LCORL: variants seen among roughly 807,000 people sequenced by gnomAD.
LCORL encodes the protein ligand-dependent nuclear receptor corepressor-like protein.
Under a neutral mutation model 141.8 loss-of-function variants are expected in LCORL, and 41 were observed. That is an observed-to-expected ratio of 0.29 (90% CI 0.23 to 0.38). LCORL has a LOEUF of 0.38. LCORL is among the 10% of genes least tolerant of loss of function. The probability of loss-of-function intolerance (pLI) is 1.00; values close to 1 mark genes in which losing one functional copy is unlikely to be tolerated. For synonymous variants in LCORL, 618 were observed against 694.1 expected (o/e 0.89, Z 1.72); for missense variants, 1,759 against 2,035.0 (o/e 0.86, Z 2.61).
intron 4 of LCORL, among the ~76,000 whole-genome samples, chr4:17,958,989 G>C (rs1230317867): frequency 6.6e-6 from 1 of 151,954 alleles, no homozygotes; most frequent in African/African-American, 2.4e-5. Context: ...CTTTGTCCTA[G>C]AACATCCTCC....
intron 4 of LCORL, among the ~76,000 whole-genome samples, chr4:17,945,729 G>C (rs573651376): frequency 6.6e-6 from 1 of 151,764 alleles, no homozygotes; most frequent in Non-Finnish European, 1.5e-5. Context: ...AAAGTTTTAA[G>C]AATTCTGGAT....
intron 1 of LCORL, among the ~76,000 whole-genome samples, chr4:17,983,711 A>C (rs1240657157): frequency 2.6e-5 from 4 of 152,144 alleles, no homozygotes; most frequent in African/African-American, 9.7e-5. Flanking sequence ...CTATATCATC[A>C]GACAAGTATA....
chr4:17,842,186 A>C, exon 8 of LCORL: 7 of 716,478 alleles, frequency 9.8e-6, no homozygotes, highest in Admixed American at 2.5e-5. Context: ...TAGAACAAGT[A>C]GGAGATACAT....
At chr4:17,983,811 A>G (rs562427094) in intron 1 of LCORL, among the ~76,000 whole-genome samples, 59 of 152,268 alleles carry the variant, frequency 3.9e-4, no homozygotes, top group African/African-American at 1.4e-3. Flanking sequence ...TATGTTGAAT[A>G]GAAGTAGTGA....
At chr4:17,910,857 G>T (rs1732409756) in intron 4 of LCORL, among the ~76,000 whole-genome samples, 1 of 152,112 alleles carries the variant, frequency 6.6e-6, no homozygotes, top group South Asian at 2.1e-4. Context: ...AAATAATTTT[G>T]AATTCTGAAA....
At chr4:17,996,465 T>A (rs1418408247) in intron 1 of LCORL, among the ~76,000 whole-genome samples, 1 of 152,110 alleles carries the variant, frequency 6.6e-6, no homozygotes, top group African/African-American at 2.4e-5. Context: ...TGATTCATTA[T>A]ACTGAAATAA....
At chr4:17,934,376 G>A (rs1560366727) in intron 4 of LCORL, among the ~76,000 whole-genome samples, 1 of 152,046 alleles carries the variant, frequency 6.6e-6, no homozygotes, top group Non-Finnish European at 1.5e-5. Context: ...ACCTAGATCT[G>A]TTCTAGTAAT....
intron 4 of LCORL, chr4:17,912,645 A>T (rs1361957720): frequency 1.3e-5 from 5 of 394,374 alleles, no homozygotes; most frequent in African/African-American, 2.1e-5. Flanking sequence ...AGAAATCTGG[A>T]GGCCAGCTTG....
At chr4:17,948,741 C>T (rs1739268923) in intron 4 of LCORL, among the ~76,000 whole-genome samples, 2 of 151,724 alleles carry the variant, frequency 1.3e-5, no homozygotes, top group African/African-American at 2.4e-5. Flanking sequence ...GAAAATCTAC[C>T]TTACCTGACT....
intron 2 of LCORL, among the ~76,000 whole-genome samples, chr4:17,967,763 T>G (rs2109638908): frequency 6.6e-6 from 1 of 152,338 alleles, no homozygotes; most frequent in Admixed American, 6.5e-5. Flanking sequence ...AGTCTTTACT[T>G]CAGATAAGTA....
intron 1 of LCORL, among the ~76,000 whole-genome samples, chr4:17,989,837 C>G (rs1719650898): frequency 1.3e-5 from 2 of 152,160 alleles, no homozygotes; most frequent in African/African-American, 4.8e-5. Flanking sequence ...GCTGGTTGAC[C>G]AAGCTGAGTT....
intron 7 of LCORL, among the ~76,000 whole-genome samples, chr4:17,869,024 C>T (rs1374560116): frequency 6.6e-6 from 1 of 151,622 alleles, no homozygotes; most frequent in Non-Finnish European, 1.5e-5. Context: ...ATTTGCCTTC[C>T]CACATATTGT....
At chr4:17,994,907 T>C (rs1337727630) in intron 1 of LCORL, among the ~76,000 whole-genome samples, 1 of 151,902 alleles carries the variant, frequency 6.6e-6, no homozygotes, top group Non-Finnish European at 1.5e-5. Context: ...GCCTGGTCCA[T>C]GCTAGGCACT....
At chr4:17,870,673 AC>A (rs1458587391) in intron 7 of LCORL, among the ~76,000 whole-genome samples, 1 of 152,196 alleles carries the variant, frequency 6.6e-6, no homozygotes, top group African/African-American at 2.4e-5. Flanking sequence ...AAAATGAAAT[AC>A]ATTCTATTTA....
intron 3 of LCORL, among the ~76,000 whole-genome samples, chr4:17,962,754 G>GT (rs1714089346): frequency 1.3e-5 from 2 of 150,142 alleles, no homozygotes; most frequent in Admixed American, 1.3e-4. Flanking sequence ...AAATAAATAA[G>GT]TAAAAAAAAA....
intron 2 of LCORL, among the ~76,000 whole-genome samples, chr4:17,966,715 G>C (rs1410803077): frequency 6.6e-6 from 1 of 152,122 alleles, no homozygotes; most frequent in Non-Finnish European, 1.5e-5. Flanking sequence ...TGTCATTAGG[G>C]AACTACAAAT....
chr4:17,885,763 G>A (rs374645677), intron 6 of LCORL, among the ~76,000 whole-genome samples: 20 of 151,886 alleles, frequency 1.3e-4, no homozygotes, highest in Middle Eastern at 3.4e-3. Flanking sequence ...TTAAAATTGC[G>A]TCCTGAGTAT....
At chr4:18,001,963 C>G (rs952291710) in intron 1 of LCORL, among the ~76,000 whole-genome samples, 3 of 152,106 alleles carry the variant, frequency 2.0e-5, no homozygotes, top group African/African-American at 7.2e-5. Flanking sequence ...TTATCTATAT[C>G]CATCCACACA....
chr4:17,881,216 G>A, intron 6 of LCORL: 1 of 981,726 alleles, frequency 1.0e-6, no homozygotes, highest in Middle Eastern at 5.2e-4. Flanking sequence ...AAGCACATAA[G>A]GGTTGCTTTC....
Sources: allele counts gnomAD v4.1 joint callset (sites outside exome capture counted in the v4.1 genomes callset), GRCh38; gene constraint gnomAD v4.1.1; transcripts MANE v1.5; gene names NCBI Gene and HGNC (gene_info 2026-07-23, HGNC 2026-07-21).